The following PAX5 variants were observed in gnomAD, a reference collection of about 807,000 sequenced individuals.
PAX5 encodes the protein paired box 5.
In PAX5, 9 loss-of-function variants were observed where a neutral mutation model predicts 43.7. That is an observed-to-expected ratio of 0.21 (90% CI 0.12 to 0.36). The LOEUF is 0.36. PAX5 is among the 10% of genes least tolerant of loss of function. PAX5 has a pLI of 1.00. For synonymous variants in PAX5, 228 were observed against 214.3 expected, an observed-to-expected ratio of 1.06 and a Z score of -0.56; for missense variants, 383 against 532.7, an observed-to-expected ratio of 0.72 and a Z score of 2.77.
At chr9:36,870,555 A>T (rs1287721811) in intron 8 of PAX5, among the ~76,000 whole-genome samples, 1 of 152,254 alleles carries the variant, frequency 6.6e-6, no homozygotes, top group Non-Finnish European at 1.5e-5. Context: ...GTTAACAACA[A>T]TGTTACAATT....
At chr9:36,963,402 G>T (rs1486611666) in intron 6 of PAX5, among the ~76,000 whole-genome samples, 2 of 152,080 alleles carry the variant, frequency 1.3e-5, no homozygotes, top group African/African-American at 4.8e-5. Flanking sequence ...TGCCCCCTCA[G>T]TGCCATTGTC....
chr9:36,898,723 G>A (rs542481907), intron 7 of PAX5, among the ~76,000 whole-genome samples: 13 of 152,314 alleles, frequency 8.5e-5, no homozygotes, highest in African/African-American at 2.6e-4. Context: ...CCGGCGTCTT[G>A]ATTGCAGCTC....
intron 3 of PAX5, among the ~76,000 whole-genome samples, chr9:37,008,642 C>CCA: frequency 6.6e-6 from 1 of 152,190 alleles, no homozygotes; most frequent in Non-Finnish European, 1.5e-5. Context: ...TATAGTCTCA[C>CCA]CACACACACA....
chr9:36,873,106 C>T (rs1825630971), intron 8 of PAX5, among the ~76,000 whole-genome samples: 1 of 152,256 alleles, frequency 6.6e-6, no homozygotes, highest in African/African-American at 2.4e-5. Context: ...GCTCAAATGA[C>T]CTCCTTTGAG....
chr9:37,012,588 C>T (rs559015244), intron 3 of PAX5, among the ~76,000 whole-genome samples: 3 of 152,338 alleles, frequency 2.0e-5, no homozygotes, highest in South Asian at 4.1e-4. Context: ...TCAGCGGGCC[C>T]GTGATCTCTC....
intron 9 of PAX5, among the ~76,000 whole-genome samples, chr9:36,842,306 C>T (rs926764188): frequency 1.3e-5 from 2 of 152,268 alleles, no homozygotes; most frequent in South Asian, 2.1e-4. Flanking sequence ...CAGAGGAAGG[C>T]GGGTGTGTGT....
Position 36,940,164 on chromosome 9 carries a change from G to A in PAX5, c.781-16680C>T, listed in dbSNP as rs554952939. 1.2e-4 allele frequency among the ~76,000 whole-genome samples: 19 copies of A among 152,286 alleles called. No homozygotes were observed. In the South Asian group the frequency reaches 2.7e-3, roughly 22 times the overall value. On this transcript the variant is annotated intron_variant, in intron 6 of 9. Coordinates refer to ENST00000358127, the MANE Select transcript of PAX5 (RefSeq NM_016734.3). ...ATCACAGCCCACTTGAGGCAATTGCGTTGGTCTCTCTCTCTCAATTTTCCC... is the reference window on the plus strand; with the variant it reads ...ATCACAGCCCACTTGAGGCAATTGCATTGGTCTCTCTCTCTCAATTTTCCC...
At chr9:36,909,832 T>G (rs1172515028) in intron 7 of PAX5, among the ~76,000 whole-genome samples, 1 of 146,806 alleles carries the variant, frequency 6.8e-6, no homozygotes, top group East Asian at 2.0e-4. Flanking sequence ...TTTTTTTTTT[T>G]TTTTTTAGAT....
chr9:36,958,118 A>G (rs1196274200), intron 6 of PAX5, among the ~76,000 whole-genome samples: 1 of 152,230 alleles, frequency 6.6e-6, no homozygotes, highest in Non-Finnish European at 1.5e-5. Flanking sequence ...TCATGGTCAC[A>G]GTAGCCCTGC....
Position 36,834,425 on chromosome 9 carries a change from T to A in PAX5, c.*6135A>T, listed in dbSNP as rs1289725304. The A allele has an allele frequency of 1.4e-5, 3 of 215,740 alleles. No individual in the cohort carries two copies. The highest frequency in any genetic ancestry group is 1.4e-4 in the East Asian group (2 of 14,654). 13.4% of individuals were successfully genotyped at this position (215,740 alleles called of 1,614,324 possible). On this transcript the variant is annotated 3_prime_UTR_variant, in exon 10 of 10. Coordinates refer to ENST00000358127, the MANE Select transcript of PAX5 (RefSeq NM_016734.3). The stretch of plus-strand genomic sequence containing the variant: ...GTGTAGGGGAGTGAGTGAGTGTGTG[T>A]GTGTGTGTGTGTGTGTGTGTGTGTG...
intron 6 of PAX5, among the ~76,000 whole-genome samples, chr9:36,932,464 T>C (rs1368589544): frequency 6.6e-6 from 1 of 152,214 alleles, no homozygotes; most frequent in Non-Finnish European, 1.5e-5. Context: ...AAAAGCATTA[T>C]GCTAGGTGAA....
intron 8 of PAX5, among the ~76,000 whole-genome samples, chr9:36,857,653 C>T (rs929610715): frequency 1.1e-4 from 16 of 152,184 alleles, no homozygotes; most frequent in African/African-American, 3.9e-4. Flanking sequence ...GAAATCTGTC[C>T]CATCACCTGC....
In PAX5 at chr9:36,931,538, AT is replaced by A. The variant is rs551257173; in HGVS notation, c.781-8055del. 3.7e-4 allele frequency among the ~76,000 whole-genome samples: 57 copies of A among 152,236 alleles called. 1 individual carries two copies. Among genetic ancestry groups the A allele is most frequent in the Non-Finnish European group, 6.6e-4 (45 of 68,016 alleles). On this transcript the variant is annotated intron_variant, in intron 6 of 9. Transcript: ENST00000358127. ...ATTCAAACAAACTGTAAAATAAATA[AT>A]CATTAAATAACAAAAAACAAAAAAC...
At chr9:36,854,740 A>G (rs959546224) in intron 8 of PAX5, among the ~76,000 whole-genome samples, 1 of 152,226 alleles carries the variant, frequency 6.6e-6, no homozygotes, top group African/African-American at 2.4e-5. Context: ...CGGCCCCGAC[A>G]GCCGTGCATC....
rs1564026797 is a variant in PAX5 at position 36,973,135 on chromosome 9, A to AAAGG, written c.605-6412_605-6411insCCTT. ...GAAAGGAAAGGAAAGGAAAGGAAAG[A>AAAGG]AAAGGAAAGGAAAGGAAAGGAAAGG... On this transcript the variant is annotated intron_variant, in intron 5 of 9. Transcript: ENST00000358127. 8.6e-4 allele frequency among the ~76,000 whole-genome samples: 64 copies of AAAGG among 74,742 alleles called. 2 individuals carry two copies. The highest frequency in any genetic ancestry group is 1.5e-3 in the African/African-American group (24 of 16,002). The allele number at this position is 74,742 out of a possible 152,430, so 49.0% of individuals were successfully genotyped here. A position where few individuals can be genotyped will look rare whatever the true frequency, so the allele number is the denominator to read the frequency against.
intron 7 of PAX5, among the ~76,000 whole-genome samples, chr9:36,889,236 A>G (rs193134351): frequency 1.3e-5 from 2 of 152,268 alleles, no homozygotes; most frequent in Admixed American, 1.3e-4. Context: ...ACCTCATTCA[A>G]TACAAGAACC....
intron 5 of PAX5, among the ~76,000 whole-genome samples, chr9:36,986,700 G>A (rs1246781582): frequency 6.6e-6 from 1 of 152,144 alleles, no homozygotes; most frequent in Non-Finnish European, 1.5e-5. Flanking sequence ...GGCCCACGGG[G>A]CGCCCGGACC....
chr9:36,981,193 C>T (rs538338355), intron 5 of PAX5, among the ~76,000 whole-genome samples: 76 of 150,054 alleles, frequency 5.1e-4, no homozygotes, highest in Non-Finnish European at 7.8e-4. Context: ...AAGCCCCCCC[C>T]CCCTCAGCCC....
intron 3 of PAX5, among the ~76,000 whole-genome samples, chr9:37,011,155 G>T (rs900648996): frequency 6.6e-6 from 1 of 151,212 alleles, no homozygotes; most frequent in Non-Finnish European, 1.5e-5. Context: ...AAAGAAAGAG[G>T]AAATGGATAA....
Sources: allele counts gnomAD v4.1 joint callset (sites outside exome capture counted in the v4.1 genomes callset), GRCh38; gene constraint gnomAD v4.1.1; transcripts MANE v1.5; gene names NCBI Gene and HGNC (gene_info 2026-07-23, HGNC 2026-07-21).